The following TRIOBP variants were observed in gnomAD, a reference collection of about 807,000 sequenced individuals.
TRIOBP encodes TRIO and F-actin-binding protein.
TRIOBP carries 169 observed loss-of-function variants against 238.8 expected under a neutral mutation model. The observed-to-expected ratio is 0.71, with a 90% confidence interval of 0.62 to 0.80. The LOEUF (loss-of-function observed/expected upper bound fraction) is 0.80, where lower values mean the gene tolerates loss of function less well. Among genes scored for constraint, TRIOBP ranks in the 30% least tolerant of loss-of-function variants. The pLI is 0.00. For missense variants in TRIOBP, 2,838 were observed against 3,122.6 expected (o/e 0.91, Z 2.17); for synonymous variants, 1,150 against 1,274.4 (o/e 0.90, Z 2.08).
chr22:37,767,938 A>G, intron 18 of TRIOBP, 136 bp from the exon 19 acceptor site: 1 of 751,244 alleles, frequency 1.3e-6, no homozygotes, highest in Non-Finnish European at 2.4e-6. Context: ...CCTTGGTCCA[A>G]GTCCATAGTA....
At chr22:37,709,789 C>G (rs1923139026) in intron 3 of TRIOBP, among the ~76,000 whole-genome samples, 1 of 152,198 alleles carries the variant, frequency 6.6e-6, no homozygotes. Context: ...GAGTGGGCAG[C>G]TGGCTCTAGC....
chr22:37,702,266 G>A (rs1922691168), intron 3 of TRIOBP, among the ~76,000 whole-genome samples: 1 of 152,000 alleles, frequency 6.6e-6, no homozygotes, highest in Admixed American at 6.5e-5. Context: ...TGGCAATGGT[G>A]TGATCTCAGC....
intron 11 of TRIOBP, among the ~76,000 whole-genome samples, chr22:37,743,948 G>A (rs867724089): frequency 9.9e-5 from 15 of 151,162 alleles, no homozygotes; most frequent in African/African-American, 3.4e-4. Context: ...CCATCAGGGG[G>A]TAGAAGGACC....
Position 37,726,127 on chromosome 22 carries a change from C to T in TRIOBP, c.3571C>T (p.Pro1191Ser). The T allele has an allele frequency of 6.4e-7, 1 of 1,553,358 alleles. No homozygotes were observed. Among genetic ancestry groups the T allele is most frequent in the South Asian group, 1.2e-5 (1 of 86,612 alleles). The change falls in exon 7 of 24, where the codon CCC (proline) becomes TCC (serine). Residue 1191 changes from proline (P) to serine (S), a missense_variant. Physicochemically the swap from Pro to Ser is moderately conservative, Grantham distance 74 (BLOSUM62 -1). Around this residue, in one of 5 missense-constraint regions of TRIOBP, gnomAD observed 2,096 missense variants for 2,137.4 expected, o/e 0.98. Transcript: ENST00000644935. ...APEPSLFFQD[P>S]PGTSMESLAP... ...TGAGCCATCCCTCTTCTTCCAGGATCCCCCTGGAACTAGTATGGAGAGCCT... is the reference window on the plus strand; with the variant it reads ...TGAGCCATCCCTCTTCTTCCAGGATTCCCCTGGAACTAGTATGGAGAGCCT...
At chr22:37,761,136 C>T (rs907047131) in intron 17 of TRIOBP, among the ~76,000 whole-genome samples, 1 of 152,028 alleles carries the variant, frequency 6.6e-6, no homozygotes, top group African/African-American at 2.4e-5. Context: ...TTGTGGATGC[C>T]TCCAGTGCTG....
In TRIOBP at chr22:37,725,082, T is replaced by C; in HGVS notation, c.2526T>C (p.Asp842=). The C allele has an allele frequency of 6.2e-7, 1 of 1,614,168 alleles. No individual in the cohort carries two copies. ...CTAAAACCTCTTGTACCAAACGAGA[T>C]AACCTCAGACCCACTTGTACACAGC... ...DNPKTSCTKR[D]NLRPTCTQRD... Residue 842 remains aspartate (D), a synonymous_variant, in exon 7 of 24, where the codon GAT becomes GAC. Coordinates refer to ENST00000644935, the MANE Select transcript of TRIOBP (RefSeq NM_001039141.3).
intron 10 of TRIOBP, among the ~76,000 whole-genome samples, chr22:37,739,129 C>T (rs1924818247): frequency 6.6e-6 from 1 of 152,108 alleles, no homozygotes; most frequent in Admixed American, 6.5e-5. Context: ...TCAGCCAGGC[C>T]TGGAGGGTCT....
At position 37,701,303 on chromosome 22, in the gene TRIOBP, C is replaced by A; in HGVS notation, c.-60-3C>A. ...GTCTTTGCCTCCCCCTCATTTTTGCCAGGCCTCACATAGACGGTCAGCCAT... is the reference window on the plus strand; with the variant it reads ...GTCTTTGCCTCCCCCTCATTTTTGCAAGGCCTCACATAGACGGTCAGCCAT... On this transcript the variant is annotated splice_polypyrimidine_tract_variant and splice_region_variant and intron_variant, in intron 2 of 23. Transcript: ENST00000644935. The A allele has an allele frequency of 1.5e-6, 2 of 1,364,124 alleles. No individual in the cohort carries two copies. Among genetic ancestry groups the A allele is most frequent in the South Asian group, 1.2e-5 (1 of 81,508 alleles). The allele number at this position is 1,364,124 out of a possible 1,614,324, so 84.5% of individuals were successfully genotyped here.
rs9712862 is a variant in TRIOBP at position 37,704,425 on chromosome 22, A to T, written c.114+2946A>T. Among the ~76,000 whole-genome samples the T allele has an allele frequency of 1.7e-4, 7 of 41,004 alleles. No homozygotes were observed. In the East Asian group the frequency reaches 6.7e-3, roughly 39 times the overall value. The allele number at this position is 41,004 out of a possible 152,430, so 26.9% of individuals were successfully genotyped here. A position where few individuals can be genotyped will look rare whatever the true frequency, so the allele number is the denominator to read the frequency against. ...AACAGAACAGAACAGAACAGAACAG[A>T]ACAGAACAGAACAGTACAGAAAACA... On this transcript the variant is annotated intron_variant, in intron 3 of 23. Transcript: ENST00000644935.
At chr22:37,769,452 G>T (rs972695890) in intron 21 of TRIOBP, 77 bp downstream of exon 21, 48 of 1,381,530 alleles carry the variant, frequency 3.5e-5, no homozygotes, top group Non-Finnish European at 4.7e-5. Context: ...GCCATAGGCT[G>T]GGTATCACCT....
intron 3 of TRIOBP, among the ~76,000 whole-genome samples, chr22:37,706,848 G>A (rs1922967192): frequency 6.6e-6 from 1 of 151,858 alleles, no homozygotes; most frequent in African/African-American, 2.4e-5. Flanking sequence ...CTCTGATGAT[G>A]ATCAAGGCTG....
intron 17 of TRIOBP, among the ~76,000 whole-genome samples, chr22:37,762,536 T>C (rs1926295756): frequency 6.6e-6 from 1 of 151,902 alleles, no homozygotes; most frequent in Non-Finnish European, 1.5e-5. Flanking sequence ...GTGTCTGGAG[T>C]TCAGGCGGTC....
chr22:37,716,512 C>T (rs771104214), intron 6 of TRIOBP, among the ~76,000 whole-genome samples: 2 of 152,164 alleles, frequency 1.3e-5, no homozygotes, highest in Non-Finnish European at 2.9e-5. Flanking sequence ...TCACTGCAAC[C>T]TCCGCCTCCT....
In TRIOBP at chr22:37,713,270, G is replaced by C. The variant is rs1923351119; in HGVS notation, c.315G>C (p.Arg105Ser). Residue 105 changes from arginine to serine, a missense_variant, in exon 5 of 24, where the codon AGG becomes AGC. This residue lies in a region of TRIOBP where 535 missense variants were observed against 537.3 expected (regional missense o/e 1.00). Coordinates refer to ENST00000644935, the MANE Select transcript of TRIOBP (RefSeq NM_001039141.3). ...EEGPTAAPRS[R>S]SRELEAVPYL... ...GTCCCACAGCTGCCCCCAGGAGCAGGAGCCGGGAGCTTGAGGCAGTACCCT... is the reference window on the plus strand; with the variant it reads ...GTCCCACAGCTGCCCCCAGGAGCAGCAGCCGGGAGCTTGAGGCAGTACCCT... 6.2e-7 allele frequency: 1 copy of C among 1,613,938 alleles called. No homozygotes were observed. Among genetic ancestry groups the C allele is most frequent in the Non-Finnish European group, 8.5e-7 (1 of 1,179,888 alleles).
chr22:37,740,578 G>A (rs1466051162), intron 10 of TRIOBP, among the ~76,000 whole-genome samples: 6 of 152,150 alleles, frequency 3.9e-5, no homozygotes, highest in African/African-American at 1.4e-4. Context: ...AACCTAATGT[G>A]AAATACTCTG....
chr22:37,750,809 G>T, intron 11 of TRIOBP: 1 of 456,374 alleles, frequency 2.2e-6, no homozygotes. Flanking sequence ...CAGGGTGGCT[G>T]TGGTTTCCAG....
chr22:37,715,634 C>A (rs1316253229), intron 5 of TRIOBP, 129 bp from the exon 6 acceptor site: 2 of 1,094,724 alleles, frequency 1.8e-6, no homozygotes, highest in Non-Finnish European at 2.7e-6. Context: ...TGAGCCACAG[C>A]GCCTGGCCAG....
At chr22:37,706,957 C>A (rs1246245961) in intron 3 of TRIOBP, among the ~76,000 whole-genome samples, 1 of 151,932 alleles carries the variant, frequency 6.6e-6, no homozygotes, top group Non-Finnish European at 1.5e-5. Context: ...CCTGTGTATA[C>A]CAGATGTGAT....
In TRIOBP at chr22:37,726,489, C is replaced by G. The variant is rs778855202; in HGVS notation, c.3933C>G (p.Phe1311Leu). The G allele has an allele frequency of 2.8e-5, 43 of 1,521,664 alleles. No individual in the cohort carries two copies. The highest frequency in any genetic ancestry group is 3.6e-5 in the Non-Finnish European group (41 of 1,140,496). 94.3% of individuals were successfully genotyped at this position (1,521,664 alleles called of 1,614,324 possible). ...SPGRAEVERL[F>L]GQERRKSEAA... ...GCCGTGCAGAGGTGGAGCGCCTCTT[C>G]GGGCAAGAGCGCAGGTGAGCCCGGG... Residue 1311 changes from phenylalanine (F) to leucine (L), a missense_variant, in exon 7 of 24, where the codon TTC becomes TTG. Coordinates refer to ENST00000644935, the MANE Select transcript of TRIOBP (RefSeq NM_001039141.3).
Sources: gnomAD v4.1 joint callset for allele counts (sites outside exome capture counted in the v4.1 genomes callset) on GRCh38, gnomAD v4.1.1 for gene constraint, gnomAD v4.1.1 regional missense constraint, MANE v1.5 for transcripts, NCBI Gene and HGNC (gene_info 2026-07-23, HGNC 2026-07-21) for gene names.